The following UGT1A1 variants were observed in gnomAD, a reference collection of about 807,000 sequenced individuals.
UGT1A1 encodes UDP-glucuronosyltransferase 1A1.
UGT1A1 carries 33 observed loss-of-function variants against 40.6 expected under a neutral mutation model. The observed-to-expected ratio is 0.81, with a 90% confidence interval of 0.62 to 1.09. The LOEUF is 1.09. Among genes scored for constraint, UGT1A1 ranks in the 50% least tolerant of loss-of-function variants. The pLI is 0.00. For synonymous variants in UGT1A1, 249 were observed against 265.0 expected (o/e 0.94, Z 0.59); for missense variants, 694 against 671.2 (o/e 1.03, Z -0.38).
At chr2:233,767,444 TAAA>T (rs1699395657) in intron 2 of UGT1A1, among the ~76,000 whole-genome samples, 1 of 152,186 alleles carries the variant, frequency 6.6e-6, no homozygotes, top group Non-Finnish European at 1.5e-5. Flanking sequence ...TATTTAAAAA[TAAA>T]ATAAATGGGA....
chr2:233,766,080 C>A (rs1198931583), intron 1 of UGT1A1, among the ~76,000 whole-genome samples: 1 of 152,194 alleles, frequency 6.6e-6, no homozygotes, highest in African/African-American at 2.4e-5. Context: ...TACCTTGTCG[C>A]AAGGACAGAG....
intron 2 of UGT1A1, 140 bp downstream of exon 2, chr2:233,767,305 GTTTT>G: frequency 4.6e-6 from 7 of 1,519,176 alleles, no homozygotes; most frequent in Non-Finnish European, 4.4e-6. Context: ...TAATCCAAAG[GTTTT>G]TTTTGTTGTT....
In UGT1A1 at chr2:233,760,416, GCTTGGGGC is replaced by G; in HGVS notation, c.131_138del (p.Leu44HisfsTer10). ...TGGATGGCAGCCACTGGCTGAGCAT[GCTTGGGGC>G]CATCCAGCAGCTGCAGCAGAGGGGA... On this transcript the variant is annotated frameshift_variant, in exon 1 of 5. Coordinates refer to ENST00000305208, the MANE Select transcript of UGT1A1 (RefSeq NM_000463.3). LOFTEE classifies it high-confidence loss of function. 6.2e-7 allele frequency: 1 copy of G among 1,614,218 alleles called. No homozygotes were observed. The highest frequency in any genetic ancestry group is 8.5e-7 in the Non-Finnish European group (1 of 1,180,032).
rs919221213 is a variant in UGT1A1 at position 233,772,323 on chromosome 2, G to T, written c.1366G>T (p.Asp456Tyr). 1.9e-6 allele frequency: 3 copies of T among 1,614,164 alleles called. No individual in the cohort carries two copies. Among genetic ancestry groups the T allele is most frequent in the Non-Finnish European group, 2.5e-6 (3 of 1,180,042 alleles). Residue 456 changes from aspartate to tyrosine, a missense_variant, in exon 5 of 5, where the codon GAC (aspartate) becomes TAC (tyrosine). Asp to Tyr is a radical substitution (Grantham distance 160). Coordinates refer to ENST00000305208, the MANE Select transcript of UGT1A1 (RefSeq NM_000463.3). Reference protein sequence around the residue: ...LHKDRPVEPLDLAVFWVEFVM... With the variant: ...LHKDRPVEPLYLAVFWVEFVM... ...CAAGGACCGCCCGGTGGAGCCGCTG[G>T]ACCTGGCCGTGTTCTGGGTGGAGTT...
Position 233,767,033 on chromosome 2 carries a change from G to A in UGT1A1, c.865-1G>A, listed in dbSNP as rs1285708223. The stretch of plus-strand genomic sequence containing the variant: ...ACTGAAAATTTTTCTTCTGGCTCTA[G>A]GAATTTGAAGCCTACATTAATGCTT... On this transcript the variant is annotated splice_acceptor_variant, in intron 1 of 4. Coordinates refer to ENST00000305208, the MANE Select transcript of UGT1A1 (RefSeq NM_000463.3). LOFTEE classifies it high-confidence loss of function. 3 of 1,614,026 alleles carry A rather than the reference G, an allele frequency of 1.9e-6. No individual in the cohort carries two copies. The highest frequency in any genetic ancestry group is 2.5e-6 in the Non-Finnish European group (3 of 1,180,004).
chr2:233,771,796 C>A (rs373628815), intron 4 of UGT1A1, among the ~76,000 whole-genome samples: 1 of 151,712 alleles, frequency 6.6e-6, no homozygotes, highest in Non-Finnish European at 1.5e-5. Flanking sequence ...CCCTCCCTCC[C>A]TCCCTCCCTT....
intron 4 of UGT1A1, among the ~76,000 whole-genome samples, chr2:233,768,711 T>G (rs2126041058): frequency 6.6e-6 from 1 of 151,246 alleles, no homozygotes; most frequent in South Asian, 2.1e-4. Flanking sequence ...AGCCTCCGTG[T>G]AGCTGGGATT....
chr2:233,769,480 CGT>C lies in UGT1A1; in HGVS notation c.1304+1046_1304+1047del. 6.3e-7 allele frequency: 1 copy of C among 1,596,850 alleles called. No individual in the cohort carries two copies. Among genetic ancestry groups the C allele is most frequent in the East Asian group, 2.2e-5 (1 of 44,628 alleles). ...ATTCATATGCGTGTGTGTGTGTGTG[CGT>C]GTGTTTATGAGAGTGTCCATTGCTT... On this transcript the variant is annotated intron_variant, in intron 4 of 4. Transcript: ENST00000305208. The surrounding 1 kb of genome is among the most constrained non-coding windows in gnomAD (Gnocchi z 4.4).
Position 233,761,113 on chromosome 2 carries a change from G to T in UGT1A1, c.826G>T (p.Gly276Cys), listed in dbSNP as rs72551345. ...CATCATGCCCAATATGGTTTTTGTT[G>T]GTGGAATCAACTGCCTTCACCAAAA... ...RPIMPNMVFV[G>C]GINCLHQNPL... is the part of the protein sequence containing the mutation. The change falls in exon 1 of 5, where the codon GGT becomes TGT. Residue 276 changes from glycine (G) to cysteine (C), a missense_variant. Gly to Cys is a radical substitution (Grantham distance 159, BLOSUM62 -3). Coordinates refer to ENST00000305208, the MANE Select transcript of UGT1A1 (RefSeq NM_000463.3). The T allele has an allele frequency of 6.2e-7, 1 of 1,614,106 alleles. No individual in the cohort carries two copies. The highest frequency in any genetic ancestry group is 1.1e-5 in the South Asian group (1 of 91,076).
At chr2:233,765,695 ATAATAATAATAATAAT>A (rs1033390367) in intron 1 of UGT1A1, among the ~76,000 whole-genome samples, 7 of 145,802 alleles carry the variant, frequency 4.8e-5, no homozygotes, top group Admixed American at 1.4e-4. Flanking sequence ...CTTCAAGTAA[ATAATAATAATAATAAT>A]TAATAATAAT....
Position 233,769,174 on chromosome 2 carries a change from G to T in UGT1A1, c.1304+735G>T, listed in dbSNP as rs1699806573. ...ACCTGTGAGAAATTTTGTCCATGGA[G>T]TTTATGAATGAAGGAGCTATAAGAT... On this transcript the variant is annotated intron_variant, in intron 4 of 4. Coordinates refer to ENST00000305208, the MANE Select transcript of UGT1A1 (RefSeq NM_000463.3). This position sits in a 1 kb window ranked among gnomAD's most constrained non-coding sequence, Gnocchi z 4.4. Among the ~76,000 whole-genome samples, 1 of 152,206 alleles carries T rather than the reference G, an allele frequency of 6.6e-6. No individual in the cohort carries two copies. Among genetic ancestry groups the T allele is most frequent in the Non-Finnish European group, 1.5e-5 (1 of 68,044 alleles).
rs190427553 is a variant in UGT1A1 at position 233,772,475 on chromosome 2, C to A, written c.1518C>A (p.Thr506=). 148 of 1,614,134 alleles carry A rather than the reference C, an allele frequency of 9.2e-5. No homozygotes were observed. Among genetic ancestry groups the A allele is most frequent in the Non-Finnish European group, 1.2e-4 (140 of 1,180,034 alleles). ...LAVVLTVAFI[T]FKCCAYGYRK... is the part of the protein sequence containing the mutation. ...TCGTGCTGACAGTGGCCTTCATCAC[C>A]TTTAAATGTTGTGCTTATGGCTACC... The change falls in exon 5 of 5, where the codon ACC becomes ACA. Residue 506 remains threonine, a synonymous_variant. Coordinates refer to ENST00000305208, the MANE Select transcript of UGT1A1 (RefSeq NM_000463.3).
In UGT1A1 at chr2:233,767,156, C is replaced by A. The variant is rs1029357504; in HGVS notation, c.987C>A (p.Ile329=). Residue 329 remains isoleucine, a synonymous_variant, in exon 2 of 5, where the codon ATC becomes ATA. Coordinates refer to ENST00000305208, the MANE Select transcript of UGT1A1 (RefSeq NM_000463.3). Reference sequence around the variant, plus strand: ...CAATTGCTGATGCTTTGGGCAAAATCCCTCAGACAGTAAGAAGATTCTATA... The same window carrying A: ...CAATTGCTGATGCTTTGGGCAAAATACCTCAGACAGTAAGAAGATTCTATA... ...AMAIADALGK[I]PQTVLWRYTG... The A allele has an allele frequency of 6.2e-7, 1 of 1,614,058 alleles. No individual in the cohort carries two copies. Among genetic ancestry groups the A allele is most frequent in the Non-Finnish European group, 8.5e-7 (1 of 1,179,996 alleles).
At chr2:233,765,919 C>T (rs1268265280) in intron 1 of UGT1A1, among the ~76,000 whole-genome samples, 1 of 152,104 alleles carries the variant, frequency 6.6e-6, no homozygotes, top group Non-Finnish European at 1.5e-5. Flanking sequence ...GGGGAGCATA[C>T]AGACGGGCAG....
In UGT1A1 at chr2:233,769,425, C is replaced by T; in HGVS notation, c.1304+986C>T. ...TGTGCGTGTGCGTTTGTGCATGTGGCTGTGCTCATGTGTGGGTGCACACGT... is the reference window on the plus strand; with the variant it reads ...TGTGCGTGTGCGTTTGTGCATGTGGTTGTGCTCATGTGTGGGTGCACACGT... On this transcript the variant is annotated intron_variant, in intron 4 of 4. Transcript: ENST00000305208. The surrounding 1 kb of genome is among the most constrained non-coding windows in gnomAD (Gnocchi z 4.4). The T allele has an allele frequency of 6.7e-7, 1 of 1,487,732 alleles. No homozygotes were observed. Among genetic ancestry groups the T allele is most frequent in the Non-Finnish European group, 9.3e-7 (1 of 1,075,832 alleles). 92.2% of individuals were successfully genotyped at this position (1,487,732 alleles called of 1,614,324 possible). A position where few individuals can be genotyped will look rare whatever the true frequency, so the allele number is the denominator to read the frequency against.
At position 233,760,348 on chromosome 2, in the gene UGT1A1, G is replaced by A. The variant is rs759212811; in HGVS notation, c.61G>A (p.Gly21Ser). Residue 21 changes from glycine to serine, a missense_variant, in exon 1 of 5, where the codon GGC becomes AGC. Coordinates refer to ENST00000305208, the MANE Select transcript of UGT1A1 (RefSeq NM_000463.3). ...CCTGGGCCTGCTGCTGTGTGTGCTGGGCCCAGTGGTGTCCCATGCTGGGAA... is the reference window on the plus strand; with the variant it reads ...CCTGGGCCTGCTGCTGTGTGTGCTGAGCCCAGTGGTGTCCCATGCTGGGAA... ...LVLGLLLCVL[G>S]PVVSHAGKIL... is the part of the protein sequence containing the mutation. 1.2e-6 allele frequency: 2 copies of A among 1,613,950 alleles called. No homozygotes were observed. The highest frequency in any genetic ancestry group is 1.7e-5 in the Admixed American group (1 of 59,998).
chr2:233,768,582 C>CTTTTTTTTTT (rs139595073), intron 4 of UGT1A1, 143 bp downstream of exon 4: 1 of 867,188 alleles, frequency 1.2e-6, no homozygotes, highest in Non-Finnish European at 1.4e-6. Flanking sequence ...TTTATTTCTT[C>CTTTTTTTTTT]TTTTTTTTTT....
rs1402956787 is a variant in UGT1A1 at position 233,772,421 on chromosome 2, C to T, written c.1464C>T (p.Ser488=). 4.3e-6 allele frequency: 7 copies of T among 1,614,232 alleles called. No individual in the cohort carries two copies. The highest frequency in any genetic ancestry group is 1.6e-4 in the Middle Eastern group (1 of 6,062). ...AHDLTWYQYH[S]LDVIGFLLAV... ...ACCTCACCTGGTACCAGTACCATTC[C>T]TTGGACGTGATTGGTTTCCTCTTGG... Residue 488 remains serine (S), a synonymous_variant, in exon 5 of 5, where the codon TCC becomes TCT. Transcript: ENST00000305208.
intron 3 of UGT1A1, 49 bp from the exon 4 acceptor site, chr2:233,768,166 AGCTGT>A: frequency 6.2e-7 from 1 of 1,613,684 alleles, no homozygotes; most frequent in South Asian, 1.1e-5. Flanking sequence ...AGATGTGTCC[AGCTGT>A]GAAACTCAGA....
Sources: gnomAD v4.1 joint callset for allele counts (sites outside exome capture counted in the v4.1 genomes callset) on GRCh38, gnomAD v4.1.1 for gene constraint, Gnocchi (gnomAD v3.1) non-coding constraint, MANE v1.5 for transcripts, NCBI Gene and HGNC (gene_info 2026-07-23, HGNC 2026-07-21) for gene names.